The following BCR variants were observed in gnomAD, a reference collection of about 807,000 sequenced individuals.
BCR encodes breakpoint cluster region protein.
In BCR, 58 loss-of-function variants were observed where a neutral mutation model predicts 138.6. The ratio of observed to expected loss-of-function variants is 0.42; its 90% CI spans 0.34 to 0.52. The LOEUF is 0.52. Ranked by LOEUF, BCR falls within the 20% of genes least tolerant of loss-of-function variation. The probability of loss-of-function intolerance (pLI) is 0.06; values close to 1 mark genes in which losing one functional copy is unlikely to be tolerated. For synonymous variants in BCR, 786 were observed against 730.1 expected (o/e 1.08, Z -1.23); for missense variants, 1,599 against 1,727.2 (o/e 0.93, Z 1.32).
Position 23,315,501 on chromosome 22 carries a change from C to G in BCR, c.3795C>G (p.Ile1265Met), listed in dbSNP as rs1205896072. ...CCCCGGACAGCAAGAGACAGAGCAT[C>G]CTGTTCTCCACCGAAGTCTAAAGGT... ...IPAPDSKRQSILFSTEV is the reference protein window; with the variant it reads ...IPAPDSKRQSMLFSTEV Residue 1265 changes from isoleucine (I) to methionine (M), a missense_variant, in exon 23 of 23, where the codon ATC becomes ATG. This residue lies in a region of BCR where 177 missense variants were observed against 226.4 expected (regional missense o/e 0.78). Coordinates refer to ENST00000305877, the MANE Select transcript of BCR (RefSeq NM_004327.4). 4 of 1,612,438 alleles carry G rather than the reference C, an allele frequency of 2.5e-6. No individual in the cohort carries two copies. In the African/African-American group the frequency reaches 5.3e-5, roughly 22 times the overall value.
chr22:23,268,553 A>G (rs1467713675), intron 5 of BCR, 38 bp downstream of exon 5: 2 of 1,526,786 alleles, frequency 1.3e-6, no homozygotes, highest in Admixed American at 1.7e-5. Flanking sequence ...TGCACCGCTG[A>G]CTCCCACCTG....
At chr22:23,255,019 A>T (rs1185980446) in intron 2 of BCR, among the ~76,000 whole-genome samples, 1 of 152,106 alleles carries the variant, frequency 6.6e-6, no homozygotes, top group Non-Finnish European at 1.5e-5. Flanking sequence ...ACAGAGCAAG[A>T]CCCTATCTTT....
intron 8 of BCR, among the ~76,000 whole-genome samples, chr22:23,282,777 A>C (rs931814453): frequency 6.6e-6 from 1 of 152,168 alleles, no homozygotes; most frequent in African/African-American, 2.4e-5. Context: ...CTCCCCTGCC[A>C]ACCCTTCTGA....
Position 23,273,719 on chromosome 22 carries a change from G to A in BCR, c.2060G>A (p.Ser687Asn). Residue 687 changes from serine to asparagine, a missense_variant, in exon 8 of 23, where the codon AGC (serine) becomes AAC (asparagine). Coordinates refer to ENST00000305877, the MANE Select transcript of BCR (RefSeq NM_004327.4). ...ALRISQNFLSSINEEITPRRQ... is the reference protein window; with the variant it reads ...ALRISQNFLSNINEEITPRRQ... The stretch of plus-strand genomic sequence containing the variant: ...CGCATCTCACAGAACTTCCTGTCCA[G>A]CATCAATGAGGAGATCACACCCCGA... 1 of 1,614,158 alleles carries A rather than the reference G, an allele frequency of 6.2e-7. No homozygotes were observed. Among genetic ancestry groups the A allele is most frequent in the Non-Finnish European group, 8.5e-7 (1 of 1,180,042 alleles).
chr22:23,181,059 G>C lies in BCR; in HGVS notation c.99G>C (p.Gln33His). ...TGCGCTCAGTGGGCGACATCGAGCA[G>C]GAGCTGGAGCGCTGCAAGGCCTCCA... ...MELRSVGDIEQELERCKASIR... is the reference protein window; with the variant it reads ...MELRSVGDIEHELERCKASIR... The change falls in exon 1 of 23, where the codon CAG becomes CAC. Residue 33 changes from glutamine (Q) to histidine (H), a missense_variant. By Grantham distance (24) the Gln-to-His change is conservative. Coordinates refer to ENST00000305877, the MANE Select transcript of BCR (RefSeq NM_004327.4). 6.6e-7 allele frequency: 1 copy of C among 1,521,196 alleles called. No homozygotes were observed. Among genetic ancestry groups the C allele is most frequent in the Non-Finnish European group, 8.9e-7 (1 of 1,129,144 alleles). 94.2% of individuals were successfully genotyped at this position (1,521,196 alleles called of 1,614,324 possible). A position where few individuals can be genotyped will look rare whatever the true frequency, so the allele number is the denominator to read the frequency against.
Position 23,309,464 on chromosome 22 carries a change from C to T in BCR, c.3053C>T (p.Thr1018Ile), listed in dbSNP as rs1198854368. ...CTGCAGGACAGAGACTGGCAGCGCA[C>T]CGTCATCGCCATGAATGGGGTACGT... is the stretch of plus-strand genomic sequence containing the variant. ...QALQDRDWQRTVIAMNGIEVK... is the reference protein window; with the variant it reads ...QALQDRDWQRIVIAMNGIEVK... The change falls in exon 17 of 23, where the codon ACC becomes ATC. Residue 1018 changes from threonine (T) to isoleucine (I), a missense_variant. By Grantham distance (89) the Thr-to-Ile change is moderately conservative. Around this residue, in one of 4 missense-constraint regions of BCR, gnomAD observed 590 missense variants for 762.4 expected, o/e 0.77. Coordinates refer to ENST00000305877, the MANE Select transcript of BCR (RefSeq NM_004327.4). 38 of 1,603,406 alleles carry T rather than the reference C, an allele frequency of 2.4e-5. No individual in the cohort carries two copies. The highest frequency in any genetic ancestry group is 3.1e-5 in the Non-Finnish European group (36 of 1,174,788).
intron 8 of BCR, among the ~76,000 whole-genome samples, chr22:23,275,702 A>T (rs954999700): frequency 2.6e-5 from 4 of 152,190 alleles, no homozygotes; most frequent in Admixed American, 2.6e-4. Flanking sequence ...ATCTAAGTGG[A>T]TGTTGGATTT....
intron 1 of BCR, among the ~76,000 whole-genome samples, chr22:23,224,557 G>T (rs1345395605): frequency 6.6e-6 from 1 of 152,214 alleles, no homozygotes; most frequent in Non-Finnish European, 1.5e-5. Flanking sequence ...AGAGACGCTG[G>T]CCTCCTCAAA....
Position 23,314,554 on chromosome 22 carries a change from T to A in BCR, c.3566T>A (p.Val1189Glu). 1 of 1,611,804 alleles carries A rather than the reference T, an allele frequency of 6.2e-7. No homozygotes were observed. Among genetic ancestry groups the A allele is most frequent in the Non-Finnish European group, 8.5e-7 (1 of 1,179,804 alleles). Residue 1189 changes from valine to glutamate, a missense_variant and splice_region_variant, in exon 22 of 23, where the codon GTG (valine) becomes GAG (glutamate). Physicochemically the swap from Val to Glu is moderately radical, Grantham distance 121. Around this residue, in one of 4 missense-constraint regions of BCR, gnomAD observed 177 missense variants for 226.4 expected, o/e 0.78. Transcript: ENST00000305877. ...FLFLLDHLKR[V>E]AEKEAVNKMS... The stretch of plus-strand genomic sequence containing the variant: ...CCCGCTGCTTTGGTCCTCTACAGGG[T>A]GGCAGAGAAGGAGGCAGTCAATAAG...
rs2229038 is a variant in BCR, at chr22:23,292,603, G to A, written c.2845G>A (p.Val949Ile). 6.4e-3 allele frequency: 10,402 copies of A among 1,613,350 alleles called. 48 individuals are homozygous for A. Among genetic ancestry groups the A allele is most frequent in the Non-Finnish European group, 7.7e-3 (9,033 of 1,179,512 alleles). ...GYFVNKAKTR[V>I]YRDTAEPNWN... ...TTTTGTGAATAAAGCAAAGACGCGCGTCTACAGGGACACAGCTGAGCCAAA... is the reference window on the plus strand; with the variant it reads ...TTTTGTGAATAAAGCAAAGACGCGCATCTACAGGGACACAGCTGAGCCAAA... Residue 949 changes from valine to isoleucine, a missense_variant, in exon 15 of 23, where the codon GTC (valine) becomes ATC (isoleucine). Physicochemically the swap from Val to Ile is conservative, Grantham distance 29. Around this residue, in one of 4 missense-constraint regions of BCR, gnomAD observed 590 missense variants for 762.4 expected, o/e 0.77. Coordinates refer to ENST00000305877, the MANE Select transcript of BCR (RefSeq NM_004327.4).
At chr22:23,290,711 T>G in intron 14 of BCR, 1 of 398,230 alleles carries the variant, frequency 2.5e-6, no homozygotes. Flanking sequence ...TTGACAGACA[T>G]CCCCAGGGGT....
intron 3 of BCR, 60 bp from the exon 4 acceptor site, chr22:23,261,295 A>G (rs2073353129): frequency 2.8e-5 from 42 of 1,526,462 alleles, no homozygotes; most frequent in Non-Finnish European, 3.4e-5. Context: ...CTGCCATACA[A>G]TGCACCTGAC....
chr22:23,291,534 T>A (rs73152656), intron 14 of BCR, among the ~76,000 whole-genome samples: 1,636 of 152,184 alleles, frequency 0.011, 13 homozygotes, highest in Non-Finnish European at 0.016. Flanking sequence ...CCTGCATCCC[T>A]GCATCTCCTC....
At chr22:23,228,633 A>G (rs1195793087) in intron 1 of BCR, among the ~76,000 whole-genome samples, 1 of 152,170 alleles carries the variant, frequency 6.6e-6, no homozygotes, top group Non-Finnish European at 1.5e-5. Context: ...ATTGGATATA[A>G]CATTCTGGGT....
In BCR at chr22:23,181,725, C is replaced by T. The variant is rs148481144; in HGVS notation, c.765C>T (p.Phe255=). The part of the protein sequence containing the change: ...DYEDAELNPR[F]LKDNLIDANG... ...AGGACGCCGAGTTGAACCCCCGCTT[C>T]CTGAAGGACAACCTGATCGACGCCA... is the stretch of plus-strand genomic sequence containing the variant. Residue 255 remains phenylalanine (F), a synonymous_variant, in exon 1 of 23, where the codon TTC becomes TTT. Transcript: ENST00000305877. 8.7e-6 allele frequency: 14 copies of T among 1,603,838 alleles called. No homozygotes were observed. Among genetic ancestry groups the T allele is most frequent in the Admixed American group, 1.7e-5 (1 of 60,010 alleles).
chr22:23,270,962 C>G (rs866820584), intron 5 of BCR, among the ~76,000 whole-genome samples: 3 of 152,266 alleles, frequency 2.0e-5, no homozygotes, highest in Non-Finnish European at 2.9e-5. Flanking sequence ...CAGTGTCAGT[C>G]TGCAGTGGTG....
chr22:23,268,443 C>T lies in BCR; in HGVS notation c.1788C>T (p.Asp596=), dbSNP rs1004350681. 1.9e-6 allele frequency: 3 copies of T among 1,613,652 alleles called. No individual in the cohort carries two copies. The African/African-American group carries it at 4.0e-5, about 22-fold the overall frequency. ...TGGGTGTGTACCGGGCCTTCGTGGA[C>T]AACTACGGAGTTGCCATGGAAATGG... ...SQLGVYRAFV[D]NYGVAMEMAE... Residue 596 remains aspartate (D), a synonymous_variant, in exon 5 of 23, where the codon GAC becomes GAT. Coordinates refer to ENST00000305877, the MANE Select transcript of BCR (RefSeq NM_004327.4).
rs112064774 is a variant in BCR at position 23,180,617 on chromosome 22, G to C, written c.-344G>C. The C allele has an allele frequency of 0.23, 40,399 of 175,696 alleles. 5,431 individuals are homozygous for C. The highest frequency in any genetic ancestry group is 0.33 in the East Asian group (2,136 of 6,396). The allele number at this position is 175,696 out of a possible 1,614,324, so 10.9% of individuals were successfully genotyped here. A position where few individuals can be genotyped will look rare whatever the true frequency, so the allele number is the denominator to read the frequency against. ...ACGGCGGCGGCGGGGCTGTGGGGCG[G>C]TGCGGAAGCGAGAGGCGAGGAGCGC... On this transcript the variant is annotated 5_prime_UTR_variant, in exon 1 of 23. Coordinates refer to ENST00000305877, the MANE Select transcript of BCR (RefSeq NM_004327.4).
At position 23,181,578 on chromosome 22, in the gene BCR, G is replaced by A. The variant is rs1455256856; in HGVS notation, c.618G>A (p.Gln206=). The A allele has an allele frequency of 1.9e-6, 3 of 1,612,794 alleles. No homozygotes were observed. The highest frequency in any genetic ancestry group is 2.2e-5 in the East Asian group (1 of 44,884). Residue 206 remains glutamine, a synonymous_variant, in exon 1 of 23, where the codon CAG becomes CAA. Transcript: ENST00000305877. ...VSDRISSLGS[Q]AMQMERKKSQ... The stretch of plus-strand genomic sequence containing the variant: ...ACCGCATCAGCTCCCTGGGCAGCCA[G>A]GCCATGCAGATGGAGCGCAAAAAGT...
Sources: gnomAD v4.1 joint callset for allele counts (sites outside exome capture counted in the v4.1 genomes callset) on GRCh38, gnomAD v4.1.1 for gene constraint, gnomAD v4.1.1 regional missense constraint, MANE v1.5 for transcripts, NCBI Gene and HGNC (gene_info 2026-07-23, HGNC 2026-07-21) for gene names.